GPM6B: variants seen among roughly 807,000 people sequenced by gnomAD.
GPM6B encodes glycoprotein M6B.
GPM6B carries 4 observed loss-of-function variants against 27.2 expected under a neutral mutation model. That is an observed-to-expected ratio of 0.15 (90% CI 0.07 to 0.34). The LOEUF is 0.34. GPM6B is among the 10% of genes least tolerant of loss of function. The pLI is 1.00. For synonymous variants in GPM6B, 124 were observed against 103.1 expected (o/e 1.20, Z -1.23); for missense variants, 183 against 261.9 (o/e 0.70, Z 2.08).
At position 13,807,680 on chromosome X, in the gene GPM6B, C is replaced by A. The variant is rs1244158589; in HGVS notation, c.151G>T (p.Gly51Trp). 1.7e-6 allele frequency: 2 copies of A among 1,203,114 alleles called. No individual in the cohort carries two copies. Among genetic ancestry groups the A allele is most frequent in the African/African-American group, 3.5e-5 (2 of 57,089 alleles). Residue 51 changes from glycine to tryptophan, a missense_variant, in exon 2 of 8, where the codon GGG becomes TGG. Coordinates refer to ENST00000316715, the MANE Select transcript of GPM6B (RefSeq NM_001001995.3). The stretch of plus-strand genomic sequence containing the variant: ...CTGCTCAAGGGGCTAGCCCTGTCCC[C>A]CAGGGTTGGCACGGGATGGTACTGG... ...NHQYHPVPTL[G>W]DRASPLSSPG...
chrX:13,893,411 CAA>C (rs34524225), intron 1 of GPM6B, among the ~76,000 whole-genome samples: 1,585 of 100,501 alleles, frequency 0.016, 29 homozygotes, highest in African/African-American at 0.053. Flanking sequence ...ACTGAATCTA[CAA>C]AAAAAAAAAA....
intron 1 of GPM6B, among the ~76,000 whole-genome samples, chrX:13,920,698 T>C: frequency 9.0e-6 from 1 of 111,042 alleles, no homozygotes. Context: ...GAGACCATCC[T>C]GGCTAACACG....
chrX:13,920,340 A>G (rs1920957707), intron 1 of GPM6B, among the ~76,000 whole-genome samples: 1 of 107,682 alleles, frequency 9.3e-6, no homozygotes, highest in African/African-American at 3.4e-5. Flanking sequence ...TATTTGTCCT[A>G]CTTCAGTATC....
At chrX:13,863,570 G>A (rs1015910793) in intron 1 of GPM6B, among the ~76,000 whole-genome samples, 4 of 111,647 alleles carry the variant, frequency 3.6e-5, no homozygotes, top group East Asian at 2.8e-4. Context: ...CTTTTTCCAC[G>A]CTGGCTGCTT....
chrX:13,917,897 A>G (rs2050443985), intron 1 of GPM6B, among the ~76,000 whole-genome samples: 1 of 112,767 alleles, frequency 8.9e-6, no homozygotes, highest in Non-Finnish European at 1.9e-5. Flanking sequence ...CAAAAAGGCC[A>G]GATTCTTCCC....
At chrX:13,827,292 T>C (rs1254142106) in intron 1 of GPM6B, among the ~76,000 whole-genome samples, 1 of 101,652 alleles carries the variant, frequency 9.8e-6, no homozygotes, top group East Asian at 3.0e-4. Context: ...TTTTTTTTTT[T>C]TTCTTTTAGA....
chrX:13,931,194 A>AC (rs1921501859), intron 1 of GPM6B, among the ~76,000 whole-genome samples: 1 of 74,755 alleles, frequency 1.3e-5, no homozygotes, highest in Non-Finnish European at 3.0e-5. Context: ...AAAAACAAAA[A>AC]CAAAACAACA....
chrX:13,820,475 G>C (rs111786438), upstream of GPM6B, among the ~76,000 whole-genome samples: 1,732 of 110,967 alleles, frequency 0.016, 27 homozygotes, highest in African/African-American at 0.054. Context: ...CAGGGACTAA[G>C]AGGCATTCAG....
At chrX:13,881,750 T>C (rs1219617894) in intron 1 of GPM6B, among the ~76,000 whole-genome samples, 3 of 23,824 alleles carry the variant, frequency 1.3e-4, no homozygotes, top group Non-Finnish European at 2.4e-4. Context: ...AAGTATTAGG[T>C]TGGCGCAAAA....
intron 1 of GPM6B, among the ~76,000 whole-genome samples, chrX:13,924,080 G>A (rs1220196800): frequency 9.0e-6 from 1 of 111,494 alleles, no homozygotes; most frequent in East Asian, 2.8e-4. Context: ...CTCAATGAAG[G>A]CAGAGTGCCT....
intron 1 of GPM6B, among the ~76,000 whole-genome samples, chrX:13,898,518 T>C (rs767541210): frequency 8.0e-4 from 90 of 112,224 alleles, no homozygotes; most frequent in Non-Finnish European, 1.5e-3. Flanking sequence ...TGAATGAGAA[T>C]CTGCAATTTA....
At chrX:13,938,118 G>A (rs1289529195) in intron 1 of GPM6B, among the ~76,000 whole-genome samples, 2 of 110,628 alleles carry the variant, frequency 1.8e-5, no homozygotes, top group Non-Finnish European at 3.8e-5. Flanking sequence ...TCGGGCGACA[G>A]GGAGAGCGTC....
intron 7 of GPM6B, chrX:13,773,759 C>G (rs1408169955): frequency 8.7e-6 from 1 of 114,311 alleles, no homozygotes; most frequent in Non-Finnish European, 1.8e-5. Context: ...ATACTTTCTT[C>G]TCAACATATT....
At chrX:13,800,054 A>C (rs748639217) in intron 2 of GPM6B, among the ~76,000 whole-genome samples, 8 of 111,961 alleles carry the variant, frequency 7.1e-5, no homozygotes, top group African/African-American at 2.6e-4. Flanking sequence ...ATTAGGTTTC[A>C]AAAAATTGAC....
At chrX:13,833,651 C>G (rs1416602362) in intron 1 of GPM6B, among the ~76,000 whole-genome samples, 2 of 110,624 alleles carry the variant, frequency 1.8e-5, no homozygotes, top group Non-Finnish European at 3.8e-5. Context: ...CTCTTGAACC[C>G]AGGAGTTTAA....
At chrX:13,778,899 A>C (rs2048464593) in intron 5 of GPM6B, among the ~76,000 whole-genome samples, 1 of 112,253 alleles carries the variant, frequency 8.9e-6, no homozygotes, top group Non-Finnish European at 1.9e-5. Flanking sequence ...AAGCAAATTT[A>C]GTATTATGTT....
At chrX:13,841,519 A>T in intron 1 of GPM6B, among the ~76,000 whole-genome samples, 1 of 112,137 alleles carries the variant, frequency 8.9e-6, no homozygotes, top group South Asian at 3.7e-4. Flanking sequence ...TACATGAGTT[A>T]GCTAGGGTTT....
intron 2 of GPM6B, among the ~76,000 whole-genome samples, chrX:13,793,350 A>C (rs940785403): frequency 1.8e-5 from 2 of 111,271 alleles, no homozygotes; most frequent in African/African-American, 6.6e-5. Flanking sequence ...ACAGGTATTG[A>C]TTGATGTCTC....
chrX:13,854,145 G>C (rs1235709689), intron 1 of GPM6B, among the ~76,000 whole-genome samples: 1 of 111,671 alleles, frequency 9.0e-6, no homozygotes, highest in Admixed American at 9.5e-5. Flanking sequence ...AGTTCTGTTT[G>C]GTCGGCTGCT....
Sources: gnomAD v4.1 joint callset for allele counts (sites outside exome capture counted in the v4.1 genomes callset) on GRCh38, gnomAD v4.1.1 for gene constraint, MANE v1.5 for transcripts, NCBI Gene and HGNC (gene_info 2026-07-23, HGNC 2026-07-21) for gene names.